WIPF2: variants seen among roughly 807,000 people sequenced by gnomAD.
WIPF2 encodes WAS/WASL-interacting protein family member 2.
Under a neutral mutation model 38.8 loss-of-function variants are expected in WIPF2, and 23 were observed. The ratio of observed to expected loss-of-function variants is 0.59; its 90% CI spans 0.43 to 0.84. WIPF2 has a LOEUF of 0.84. Ranked by LOEUF, WIPF2 falls within the 40% of genes least tolerant of loss-of-function variation. The pLI is 0.00. For synonymous variants in WIPF2, 210 were observed against 223.2 expected (o/e 0.94, Z 0.53); for missense variants, 574 against 580.5 (o/e 0.99, Z 0.11).
At chr17:40,276,009 C>T (rs139229324) in intron 6 of WIPF2, among the ~76,000 whole-genome samples, 2 of 152,280 alleles carry the variant, frequency 1.3e-5, no homozygotes, top group African/African-American at 4.8e-5. Context: ...GCCGCACTTA[C>T]AGAAAATTTG....
chr17:40,265,187 G>A (rs1598494472), intron 5 of WIPF2, 41 bp downstream of exon 5: 2 of 1,541,552 alleles, frequency 1.3e-6, no homozygotes, highest in Non-Finnish European at 8.7e-7. Flanking sequence ...CATGCTGTGA[G>A]TTGATTTTAT....
chr17:40,232,696 A>G (rs1000384295), intron 1 of WIPF2, among the ~76,000 whole-genome samples: 15 of 149,804 alleles, frequency 1.0e-4, no homozygotes, highest in African/African-American at 2.7e-4. Context: ...CTGGAGTGCA[A>G]TGGTGTGATC....
chr17:40,270,840 C>A (rs1355646325), intron 5 of WIPF2, among the ~76,000 whole-genome samples: 3 of 151,566 alleles, frequency 2.0e-5, no homozygotes, highest in African/African-American at 7.3e-5. Flanking sequence ...CTGAGTGTGT[C>A]TTACGGGAAG....
chr17:40,277,941 G>T (rs1022641195), intron 7 of WIPF2, among the ~76,000 whole-genome samples: 1 of 152,048 alleles, frequency 6.6e-6, no homozygotes, highest in African/African-American at 2.4e-5. Flanking sequence ...GGCCAGGCTG[G>T]TCTGAAACTC....
intron 2 of WIPF2, among the ~76,000 whole-genome samples, chr17:40,257,077 C>A (rs1354184218): frequency 6.6e-6 from 1 of 151,978 alleles, no homozygotes; most frequent in Non-Finnish European, 1.5e-5. Context: ...CTCCTGGGTT[C>A]AAGCGATTCT....
rs192359353 is a variant in WIPF2 at position 40,283,679 on chromosome 17, C to T, written c.*5454C>T. On this transcript the variant is annotated 3_prime_UTR_variant, in exon 8 of 8. Transcript: ENST00000323571. Reference sequence around the variant, plus strand: ...CTACCTGTGTTGCATGGCAGATTCTCAGATTGAGGCTAAAGAAAAGAAGGG... The same window carrying T: ...CTACCTGTGTTGCATGGCAGATTCTTAGATTGAGGCTAAAGAAAAGAAGGG... The T allele has an allele frequency of 9.8e-5, 15 of 152,300 alleles. No individual in the cohort carries two copies. The highest frequency in any genetic ancestry group is 9.6e-4 in the East Asian group (5 of 5,194). 9.4% of individuals were successfully genotyped at this position (152,300 alleles called of 1,614,324 possible).
At chr17:40,263,553 C>G (rs369232042) in intron 4 of WIPF2, among the ~76,000 whole-genome samples, 2,549 of 143,890 alleles carry the variant, frequency 0.018, 95 homozygotes, top group Middle Eastern at 0.031. Flanking sequence ...TCGTCCCCCC[C>G]CCCCCCGCAA....
intron 1 of WIPF2, among the ~76,000 whole-genome samples, chr17:40,238,019 TG>T (rs1885767806): frequency 6.7e-6 from 1 of 149,130 alleles, no homozygotes; most frequent in African/African-American, 2.5e-5. Context: ...TGAGTCAAGA[TG>T]GTGCCACTGC....
At chr17:40,231,068 A>G (rs943369621) in intron 1 of WIPF2, among the ~76,000 whole-genome samples, 1 of 152,186 alleles carries the variant, frequency 6.6e-6, no homozygotes, top group African/African-American at 2.4e-5. Context: ...CCCTGTTTTT[A>G]TAACTTAAAG....
intron 1 of WIPF2, among the ~76,000 whole-genome samples, chr17:40,228,717 C>G (rs1200212252): frequency 2.0e-5 from 3 of 151,936 alleles, no homozygotes; most frequent in African/African-American, 7.3e-5. Flanking sequence ...TAGCCTCAAC[C>G]TTCTGGGCTC....
At chr17:40,240,101 G>T (rs2031133724) in intron 1 of WIPF2, among the ~76,000 whole-genome samples, 1 of 149,582 alleles carries the variant, frequency 6.7e-6, no homozygotes, top group Admixed American at 6.7e-5. Context: ...TTGCTCTGTT[G>T]CCCGGGCTGG....
chr17:40,271,184 C>T (rs1356942869), intron 5 of WIPF2, among the ~76,000 whole-genome samples: 1 of 152,114 alleles, frequency 6.6e-6, no homozygotes, highest in Non-Finnish European at 1.5e-5. Flanking sequence ...TCATGTTGCC[C>T]AGGCTGATCT....
intron 1 of WIPF2, among the ~76,000 whole-genome samples, chr17:40,235,985 G>A (rs2145304912): frequency 6.7e-6 from 1 of 150,318 alleles, no homozygotes; most frequent in South Asian, 2.1e-4. Flanking sequence ...TTGAGATGGA[G>A]TCTTGCTCTG....
In WIPF2 at chr17:40,264,518, A is replaced by G. The variant is rs765650923; in HGVS notation, c.342A>G (p.Gln114=). 9.3e-6 allele frequency: 15 copies of G among 1,613,888 alleles called. No homozygotes were observed. The East Asian group carries it at 1.8e-4, about 19-fold the overall frequency. Residue 114 remains glutamine, a synonymous_variant, in exon 5 of 8, where the codon CAA becomes CAG. Coordinates refer to ENST00000323571, the MANE Select transcript of WIPF2 (RefSeq NM_133264.5). Reference sequence around the variant, plus strand: ...ACCTAGCTGGTAAGCCAGCCCTGCAAATCCCCAGTTCTCGAGCTGCTGCCC... The same window carrying G: ...ACCTAGCTGGTAAGCCAGCCCTGCAGATCCCCAGTTCTCGAGCTGCTGCCC... ...SENLAGKPAL[Q]IPSSRAAAPR...
chr17:40,243,752 C>G (rs569605933), intron 1 of WIPF2, among the ~76,000 whole-genome samples: 13 of 152,030 alleles, frequency 8.6e-5, no homozygotes, highest in African/African-American at 2.9e-4. Flanking sequence ...AACTCCTGAC[C>G]TCGGGTGATC....
chr17:40,220,573 G>GTATATGTATA (rs2030141411), intron 1 of WIPF2: 1 of 77,108 alleles, frequency 1.3e-5, no homozygotes, highest in Non-Finnish European at 2.5e-5. Flanking sequence ...GTGTGTGTGT[G>GTATATGTATA]TATATATATA....
intron 1 of WIPF2, among the ~76,000 whole-genome samples, chr17:40,232,254 A>G (rs1449532978): frequency 2.3e-5 from 3 of 132,562 alleles, no homozygotes; most frequent in Non-Finnish European, 4.6e-5. Context: ...CAGTGGCGTG[A>G]TCTCAGCTCA....
rs199976225 is a variant in WIPF2 at position 40,268,352 on chromosome 17, G to GA, written c.970+3207dup. On this transcript the variant is annotated intron_variant, in intron 5 of 7. Transcript: ENST00000323571. The stretch of plus-strand genomic sequence containing the variant: ...ATGAGGTAGTGCTAAGGTGGCCCTT[G>GA]ATTCTATAAAGTTCAGGTTTGACTT... 5.2e-3 allele frequency among the ~76,000 whole-genome samples: 788 copies of GA among 152,248 alleles called. 10 individuals carry two copies. The highest frequency in any genetic ancestry group is 0.018 in the African/African-American group (754 of 41,536).
chr17:40,257,732 G>A (rs1197122730), intron 2 of WIPF2, among the ~76,000 whole-genome samples: 1 of 142,810 alleles, frequency 7.0e-6, no homozygotes, highest in Non-Finnish European at 1.5e-5. Context: ...GACAGAGCGA[G>A]GCTCCATCTC....
Sources: gnomAD v4.1 joint callset for allele counts (sites outside exome capture counted in the v4.1 genomes callset) on GRCh38, gnomAD v4.1.1 for gene constraint, MANE v1.5 for transcripts, NCBI Gene and HGNC (gene_info 2026-07-23, HGNC 2026-07-21) for gene names.